Variants in CCDC180 observed in about 807,000 individuals in gnomAD.
CCDC180 encodes the protein coiled-coil domain-containing protein 180.
A neutral mutation model predicts 209.2 loss-of-function variants in CCDC180; 154 were observed. The ratio of observed to expected loss-of-function variants is 0.74; its 90% confidence interval spans 0.65 to 0.84. CCDC180 has a LOEUF of 0.84. Among genes scored for constraint, CCDC180 ranks in the 40% least tolerant of loss-of-function variants. CCDC180 has a pLI of 0.00. For synonymous variants in CCDC180, 778 were observed against 749.1 expected, an observed-to-expected ratio of 1.04 and a Z score of -0.63; for missense variants, 1,874 against 1,997.3, an observed-to-expected ratio of 0.94 and a Z score of 1.18.
At chr9:97,371,049 C>T (rs10981810) in intron 33 of CCDC180, 17,133 of 204,386 alleles carry the variant, frequency 0.084, 2,657 homozygotes, top group African/African-American at 0.34. Context: ...CTGCAAGCTC[C>T]GCTTCCCGGG....
chr9:97,324,203 A>G (rs1461377701), intron 13 of CCDC180, among the ~76,000 whole-genome samples: 2 of 152,158 alleles, frequency 1.3e-5, no homozygotes, highest in Non-Finnish European at 1.5e-5. Flanking sequence ...CCCCAGCCCA[A>G]GACACGTGTT....
chr9:97,325,801 G>A (rs1301657620), intron 14 of CCDC180, among the ~76,000 whole-genome samples: 1 of 152,178 alleles, frequency 6.6e-6, no homozygotes, highest in Non-Finnish European at 1.5e-5. Flanking sequence ...ATCACAGCCT[G>A]AGCTCTCTCT....
chr9:97,351,765 G>C (rs1217314267), intron 22 of CCDC180, among the ~76,000 whole-genome samples: 3 of 152,114 alleles, frequency 2.0e-5, no homozygotes, highest in Non-Finnish European at 4.4e-5. Flanking sequence ...AAATCATGGT[G>C]ATGTAGGGAA....
rs1410205437 is a variant in CCDC180, at chr9:97,377,343, T to A, written c.*449T>A. ...AACAAATAACTAATCCAATGTTGAT[T>A]GGTATTTGTGCCACAATTTGTCTGA... On this transcript the variant is annotated 3_prime_UTR_variant, in exon 37 of 37. Coordinates refer to ENST00000529487, the MANE Select transcript of CCDC180 (RefSeq NM_020893.6). 2 of 152,846 alleles carry A rather than the reference T, an allele frequency of 1.3e-5. No individual in the cohort carries two copies. Among genetic ancestry groups the A allele is most frequent in the African/African-American group, 4.8e-5 (2 of 41,436 alleles). 9.5% of individuals were successfully genotyped at this position (152,846 alleles called of 1,614,324 possible).
intron 18 of CCDC180, among the ~76,000 whole-genome samples, chr9:97,340,975 T>C (rs1400896122): frequency 1.3e-5 from 2 of 151,966 alleles, no homozygotes; most frequent in Admixed American, 6.6e-5. Context: ...GTACACCTGG[T>C]TCTGCCTTCT....
At chr9:97,371,527 C>G in intron 33 of CCDC180, 68 bp from the exon 34 acceptor site, 1 of 951,984 alleles carries the variant, frequency 1.1e-6, no homozygotes, top group Non-Finnish European at 1.6e-6. Flanking sequence ...TTCACCCATC[C>G]CCTCTTCAGC....
chr9:97,359,043 T>C (rs886328611), intron 25 of CCDC180, among the ~76,000 whole-genome samples: 5 of 152,242 alleles, frequency 3.3e-5, no homozygotes, highest in Admixed American at 1.3e-4. Context: ...AACCCTGTTA[T>C]GTATATGCAT....
chr9:97,350,427 C>T lies in CCDC180; in HGVS notation c.2874C>T (p.Asn958=). 1 of 1,535,734 alleles carries T rather than the reference C, an allele frequency of 6.5e-7. No homozygotes were observed. Among genetic ancestry groups the T allele is most frequent in the Non-Finnish European group, 8.7e-7 (1 of 1,146,952 alleles). The change falls in exon 22 of 37, where the codon AAC becomes AAT. Residue 958 remains asparagine (N), a synonymous_variant. Transcript: ENST00000529487. ...CCCACAGGCTGGTCACTCTCAGCAA[C>T]ACACTGCACCAGGAGTTGCTTAGCT... is the stretch of plus-strand genomic sequence containing the variant. The part of the protein sequence containing the change: ...TRSQKLVTLS[N]TLHQELLSYV...
chr9:97,323,839 A>G lies in CCDC180; in HGVS notation c.1307A>G (p.Gln436Arg). ...GAGGAGGCAGAGACCCTGGTGAACC[A>G]GTTCTTCTTCCAGATGGTGGGAGCA... ...TEEEAETLVN[Q>R]FFFQMVGALQ... Residue 436 changes from glutamine (Q) to arginine (R), a missense_variant, in exon 13 of 37, where the codon CAG (glutamine) becomes CGG (arginine). Transcript: ENST00000529487. The G allele has an allele frequency of 6.4e-7, 1 of 1,556,368 alleles. No individual in the cohort carries two copies. Among genetic ancestry groups the G allele is most frequent in the South Asian group, 1.2e-5 (1 of 84,308 alleles).
chr9:97,324,282 C>G (rs1368860503), intron 13 of CCDC180, among the ~76,000 whole-genome samples: 1 of 152,132 alleles, frequency 6.6e-6, no homozygotes, highest in Non-Finnish European at 1.5e-5. Context: ...GCTCTGTGGG[C>G]CATCAGGTCT....
In CCDC180 at chr9:97,322,872, T is replaced by C. The variant is rs1833403350; in HGVS notation, c.1199T>C (p.Leu400Pro). 1 of 1,614,018 alleles carries C rather than the reference T, an allele frequency of 6.2e-7. No individual in the cohort carries two copies. Among genetic ancestry groups the C allele is most frequent in the Admixed American group, 1.7e-5 (1 of 60,002 alleles). Residue 400 changes from leucine to proline, a missense_variant, in exon 12 of 37, where the codon CTG becomes CCG. Coordinates refer to ENST00000529487, the MANE Select transcript of CCDC180 (RefSeq NM_020893.6). ...GACTGCATGATGCGGATCCGCCTGCTGTATGAGAAGACATGGCAGGAGTGC... is the reference window on the plus strand; with the variant it reads ...GACTGCATGATGCGGATCCGCCTGCCGTATGAGAAGACATGGCAGGAGTGC... Reference protein sequence around the residue: ...HVDCMMRIRLLYEKTWQECLM... With the variant: ...HVDCMMRIRLPYEKTWQECLM...
chr9:97,330,800 G>C (rs1475950204), intron 18 of CCDC180, 33 bp downstream of exon 18: 2 of 1,564,168 alleles, frequency 1.3e-6, no homozygotes, highest in African/African-American at 1.4e-5. Context: ...CTTGGGCATA[G>C]AGAAAGTTTG....
intron 25 of CCDC180, among the ~76,000 whole-genome samples, chr9:97,359,064 C>G (rs1826675964): frequency 6.6e-6 from 1 of 152,186 alleles, no homozygotes; most frequent in Admixed American, 6.5e-5. Context: ...GCACTTGTTT[C>G]TACACATCCA....
At chr9:97,347,523 C>T (rs1046144667) in intron 20 of CCDC180, 34 bp downstream of exon 20, 32 of 1,524,288 alleles carry the variant, frequency 2.1e-5, no homozygotes, top group Admixed American at 5.9e-5. Context: ...CTGCCCTGCC[C>T]GCAGCCACTC....
chr9:97,376,779 T>A lies in CCDC180; in HGVS notation c.4859T>A (p.Phe1620Tyr), dbSNP rs754168557. ...TCCTTCTAGAAATATTTAGCATCAT[T>A]TGAGGAGGAGCTAAAGAGGATCCAG... ...DAVYLKYLAS[F>Y]EEELKRIQDD... The change falls in exon 37 of 37, where the codon TTT becomes TAT. Residue 1620 changes from phenylalanine (F) to tyrosine (Y), a missense_variant. Physicochemically the swap from Phe to Tyr is conservative, Grantham distance 22. Coordinates refer to ENST00000529487, the MANE Select transcript of CCDC180 (RefSeq NM_020893.6). 21 of 1,613,284 alleles carry A rather than the reference T, an allele frequency of 1.3e-5. No individual in the cohort carries two copies. The highest frequency in any genetic ancestry group is 1.8e-5 in the Non-Finnish European group (21 of 1,179,822).
chr9:97,375,326 T>G (rs1827220864), intron 35 of CCDC180, 128 bp from the exon 36 acceptor site: 3 of 1,280,328 alleles, frequency 2.3e-6, no homozygotes, highest in Non-Finnish European at 3.3e-6. Context: ...TGTTTTTTCT[T>G]TTCATTAAGA....
intron 4 of CCDC180, among the ~76,000 whole-genome samples, chr9:97,312,983 T>C (rs1833040437): frequency 6.6e-6 from 1 of 152,142 alleles, no homozygotes; most frequent in Admixed American, 6.5e-5. Context: ...CATAGAACTT[T>C]TTTTAAAAAA....
At chr9:97,319,992 C>G in intron 10 of CCDC180, 134 bp from the exon 11 acceptor site, 1 of 721,524 alleles carries the variant, frequency 1.4e-6, no homozygotes, top group Non-Finnish European at 2.5e-6. Context: ...ACCAGGAAAT[C>G]CCCAGCAGTT....
At chr9:97,351,757 A>C (rs1338461330) in intron 22 of CCDC180, among the ~76,000 whole-genome samples, 1 of 152,132 alleles carries the variant, frequency 6.6e-6, no homozygotes, top group Non-Finnish European at 1.5e-5. Flanking sequence ...GCATCACCAA[A>C]TCATGGTGAT....
Sources: gnomAD v4.1 joint callset for allele counts (sites outside exome capture counted in the v4.1 genomes callset) on GRCh38, gnomAD v4.1.1 for gene constraint, MANE v1.5 for transcripts, NCBI Gene and HGNC (gene_info 2026-07-23, HGNC 2026-07-21) for gene names.